Variants in UNC5B observed in about 807,000 individuals in gnomAD.
The protein encoded by UNC5B is netrin receptor UNC5B.
A neutral mutation model predicts 103.7 loss-of-function variants in UNC5B; 56 were observed. The observed-to-expected ratio is 0.54, with a 90% CI of 0.44 to 0.67. The LOEUF is 0.67. Ranked by LOEUF, UNC5B falls within the 30% of genes least tolerant of loss-of-function variation. The pLI, the probability that UNC5B is intolerant of heterozygous loss-of-function variation, is 0.00. For synonymous variants in UNC5B, 577 were observed against 542.0 expected (o/e 1.06, Z -0.90); for missense variants, 1,194 against 1,284.5 (o/e 0.93, Z 1.08).
chr10:71,226,887 T>C (rs1843575093), intron 1 of UNC5B, among the ~76,000 whole-genome samples: 1 of 151,986 alleles, frequency 6.6e-6, no homozygotes, highest in Non-Finnish European at 1.5e-5. Flanking sequence ...TCAGATGAGA[T>C]AGATAGATAT....
At chr10:71,242,707 C>T (rs1190043223) in intron 1 of UNC5B, among the ~76,000 whole-genome samples, 1 of 152,238 alleles carries the variant, frequency 6.6e-6, no homozygotes, top group East Asian at 1.9e-4. Flanking sequence ...CCCTCTCCTG[C>T]CACATCCGTT....
chr10:71,275,795 G>A (rs182361188), intron 1 of UNC5B, among the ~76,000 whole-genome samples: 1 of 151,946 alleles, frequency 6.6e-6, no homozygotes, highest in Non-Finnish European at 1.5e-5. Context: ...TTTTTAATGT[G>A]GGAGACACGG....
chr10:71,228,196 G>A (rs1434444030), intron 1 of UNC5B, among the ~76,000 whole-genome samples: 1 of 152,170 alleles, frequency 6.6e-6, no homozygotes, highest in African/African-American at 2.4e-5. Flanking sequence ...ACACCATACA[G>A]AGAGATGAAC....
In UNC5B at chr10:71,255,213, T is replaced by C. The variant is rs865985823; in HGVS notation, c.80-24608T>C. On this transcript the variant is annotated intron_variant, in intron 1 of 16. Coordinates refer to ENST00000335350, the MANE Select transcript of UNC5B (RefSeq NM_170744.5). ...CCCTTTGTTGGGTATCTTACTCTGG[T>C]AAATAACACTGCGTTGAACATCTCC... is the stretch of plus-strand genomic sequence containing the variant. Among the ~76,000 whole-genome samples, 3 of 152,368 alleles carry C rather than the reference T, an allele frequency of 2.0e-5. No homozygotes were observed. In the Middle Eastern group the frequency reaches 0.01, roughly 518 times the overall value.
Position 71,212,902 on chromosome 10 carries a change from C to A in UNC5B, c.-84C>A, listed in dbSNP as rs1024366672. The A allele has an allele frequency of 3.7e-5, 39 of 1,040,098 alleles. No homozygotes were observed. The African/African-American group carries it at 4.6e-4, about 12-fold the overall frequency. 64.4% of individuals were successfully genotyped at this position (1,040,098 alleles called of 1,614,324 possible). Reference sequence around the variant, plus strand: ...GCCGGGGAGGACGGCGAGGAGGAGGCGGCGGCGGCGGAGACGGCGGCGGCG... The same window carrying A: ...GCCGGGGAGGACGGCGAGGAGGAGGAGGCGGCGGCGGAGACGGCGGCGGCG... On this transcript the variant is annotated 5_prime_UTR_variant, in exon 1 of 17. Transcript: ENST00000335350.
rs142789924 is a variant in UNC5B, at chr10:71,283,076, C to T, written c.305-1644C>T. On this transcript the variant is annotated intron_variant, in intron 2 of 16. Transcript: ENST00000335350. ...CGGAGGTTGCAGTGAGCCGAGATTGCGCCGCTGCACTCCAGCCTGGGCAAC... is the reference window on the plus strand; with the variant it reads ...CGGAGGTTGCAGTGAGCCGAGATTGTGCCGCTGCACTCCAGCCTGGGCAAC... Among the ~76,000 whole-genome samples, 768 of 152,086 alleles carry T rather than the reference C, an allele frequency of 5.0e-3. 5 individuals are homozygous for T. Among genetic ancestry groups the T allele is most frequent in the African/African-American group, 0.017 (687 of 41,468 alleles).
intron 1 of UNC5B, among the ~76,000 whole-genome samples, chr10:71,243,750 C>A (rs192596659): frequency 2.0e-5 from 3 of 152,322 alleles, no homozygotes; most frequent in Non-Finnish European, 4.4e-5. Context: ...AAAATCAGAA[C>A]CACAGCTACA....
At position 71,299,158 on chromosome 10, in the gene UNC5B, C is replaced by T. The variant is rs563478119; in HGVS notation, c.2719C>T (p.Leu907=). 4.2e-4 allele frequency: 683 copies of T among 1,614,246 alleles called. 7 individuals are homozygous for T. In the South Asian group the frequency reaches 6.5e-3, roughly 15 times the overall value. The change falls in exon 17 of 17, where the codon CTG becomes TTG. Residue 907 remains leucine, a synonymous_variant. Coordinates refer to ENST00000335350, the MANE Select transcript of UNC5B (RefSeq NM_170744.5). ...ATKASPTGVI[L]DLWEALQQDD... Reference sequence around the variant, plus strand: ...CAAAGCGAGCCCCACGGGTGTGATCCTGGACCTCTGGGAAGCTCTGCAGCA... The same window carrying T: ...CAAAGCGAGCCCCACGGGTGTGATCTTGGACCTCTGGGAAGCTCTGCAGCA...
At chr10:71,238,979 T>G (rs546154661) in intron 1 of UNC5B, among the ~76,000 whole-genome samples, 17 of 152,240 alleles carry the variant, frequency 1.1e-4, no homozygotes, top group Admixed American at 2.0e-4. Context: ...AGTTAAGGCT[T>G]CTGCCTGCTC....
At chr10:71,253,534 G>T (rs937700049) in intron 1 of UNC5B, among the ~76,000 whole-genome samples, 11 of 152,212 alleles carry the variant, frequency 7.2e-5, no homozygotes, top group African/African-American at 2.7e-4. Context: ...GCATTGTTTT[G>T]GTTCTGACCA....
chr10:71,216,566 C>G (rs1274600375), intron 1 of UNC5B, among the ~76,000 whole-genome samples: 1 of 152,222 alleles, frequency 6.6e-6, no homozygotes, highest in Non-Finnish European at 1.5e-5. Context: ...TAAACATTAG[C>G]ATTTTATAGC....
chr10:71,297,794 C>T (rs577086356), intron 15 of UNC5B, 115 bp from the exon 16 acceptor site: 682 of 1,189,978 alleles, frequency 5.7e-4, no homozygotes, highest in Non-Finnish European at 6.7e-4. Flanking sequence ...GGGAGTCTGT[C>T]CAGAGGAGGT....
At chr10:71,283,645 G>T (rs906413866) in intron 2 of UNC5B, among the ~76,000 whole-genome samples, 4 of 152,176 alleles carry the variant, frequency 2.6e-5, no homozygotes, top group Non-Finnish European at 5.9e-5. Flanking sequence ...GAGGAAGAGG[G>T]CTCTGTAACC....
chr10:71,284,345 G>T (rs375459687), intron 2 of UNC5B, among the ~76,000 whole-genome samples: 5 of 152,200 alleles, frequency 3.3e-5, no homozygotes, highest in African/African-American at 1.2e-4. Flanking sequence ...GCTGCAGTGG[G>T]ATGGGGATGG....
chr10:71,299,221 G>A lies in UNC5B; in HGVS notation c.2782G>A (p.Glu928Lys). The change falls in exon 17 of 17, where the codon GAG (glutamate) becomes AAG (lysine). Residue 928 changes from glutamate (E) to lysine (K), a missense_variant. Glu to Lys is a moderately conservative substitution (Grantham distance 56). Coordinates refer to ENST00000335350, the MANE Select transcript of UNC5B (RefSeq NM_170744.5). ...GDLNSLASAL[E>K]EMGKSEMLVA... ...CCTCAACAGCCTGGCGAGTGCCTTG[G>A]AGGAGATGGGCAAGAGTGAGATGCT... 1 of 1,614,250 alleles carries A rather than the reference G, an allele frequency of 6.2e-7. No individual in the cohort carries two copies. Among genetic ancestry groups the A allele is most frequent in the Non-Finnish European group, 8.5e-7 (1 of 1,180,032 alleles).
At position 71,286,714 on chromosome 10, in the gene UNC5B, T is replaced by C; in HGVS notation, c.578T>C (p.Val193Ala). The C allele has an allele frequency of 6.2e-7, 1 of 1,614,126 alleles. No individual in the cohort carries two copies. Among genetic ancestry groups the C allele is most frequent in the Non-Finnish European group, 8.5e-7 (1 of 1,180,018 alleles). Residue 193 changes from valine (V) to alanine (A), a missense_variant, in exon 5 of 17, where the codon GTC (valine) becomes GCC (alanine). Physicochemically the swap from Val to Ala is moderately conservative, Grantham distance 64. Coordinates refer to ENST00000335350, the MANE Select transcript of UNC5B (RefSeq NM_170744.5). ...AEVEWLKNED[V>A]IDPTQDTNFL... ...GTGGAATGGCTCAAGAATGAGGATGTCATCGACCCCACCCAGGACACCAAC... is the reference window on the plus strand; with the variant it reads ...GTGGAATGGCTCAAGAATGAGGATGCCATCGACCCCACCCAGGACACCAAC...
At chr10:71,227,302 G>A (rs1354142815) in intron 1 of UNC5B, among the ~76,000 whole-genome samples, 1 of 152,072 alleles carries the variant, frequency 6.6e-6, no homozygotes, top group Non-Finnish European at 1.5e-5. Context: ...ATTATTCTAA[G>A]TGAAGTAACT....
chr10:71,225,195 G>C (rs1843537022), intron 1 of UNC5B, among the ~76,000 whole-genome samples: 1 of 152,242 alleles, frequency 6.6e-6, no homozygotes, highest in East Asian at 1.9e-4. Flanking sequence ...AGGAACAAAA[G>C]AAGTTGAATG....
intron 2 of UNC5B, among the ~76,000 whole-genome samples, chr10:71,281,831 G>T (rs1270040901): frequency 6.6e-6 from 1 of 152,188 alleles, no homozygotes; most frequent in East Asian, 1.9e-4. Flanking sequence ...AGAACAGCAT[G>T]CCAGGGCCCA....
Sources: gnomAD v4.1 joint callset for allele counts (sites outside exome capture counted in the v4.1 genomes callset) on GRCh38, gnomAD v4.1.1 for gene constraint, MANE v1.5 for transcripts, NCBI Gene and HGNC (gene_info 2026-07-23, HGNC 2026-07-21) for gene names.